The following SLC24A4 variants were observed in gnomAD, a reference collection of about 807,000 sequenced individuals.
The protein encoded by SLC24A4 is solute carrier family 24 member 4, also known as sodium/potassium/calcium exchanger 4.
SLC24A4 carries 53 observed loss-of-function variants against 79.0 expected under a neutral mutation model. The observed-to-expected ratio is 0.67, with a 90% CI of 0.54 to 0.84. The LOEUF (loss-of-function observed/expected upper bound fraction) is 0.84, where lower values mean the gene tolerates loss of function less well. SLC24A4 is among the 40% of genes least tolerant of loss of function. The pLI, the probability that SLC24A4 is intolerant of heterozygous loss-of-function variation, is 0.00. For missense variants in SLC24A4, 731 were observed against 822.0 expected, an observed-to-expected ratio of 0.89 and a Z score of 1.35; for synonymous variants, 323 against 323.8, an observed-to-expected ratio of 1.00 and a Z score of 0.03.
chr14:92,488,959 A>C (rs941583752), intron 14 of SLC24A4, among the ~76,000 whole-genome samples: 9 of 152,198 alleles, frequency 5.9e-5, no homozygotes, highest in African/African-American at 2.2e-4. Context: ...AGTAAGATCA[A>C]CAAAGGGTCT....
intron 2 of SLC24A4, among the ~76,000 whole-genome samples, chr14:92,427,789 T>C (rs541559804): frequency 6.6e-6 from 1 of 152,374 alleles, no homozygotes; most frequent in East Asian, 1.9e-4. Context: ...CATGTTTGTA[T>C]GTCCCCAGCA....
chr14:92,493,640 G>A lies in SLC24A4; in HGVS notation c.*12G>A, dbSNP rs200722482. 3.5e-5 allele frequency: 57 copies of A among 1,613,520 alleles called. No individual in the cohort carries two copies. In the East Asian group the frequency reaches 6.9e-4, roughly 20 times the overall value. On this transcript the variant is annotated 3_prime_UTR_variant, in exon 17 of 17. Coordinates refer to ENST00000532405, the MANE Select transcript of SLC24A4 (RefSeq NM_153646.4). Reference sequence around the variant, plus strand: ...GGGAAGACGATTAGCGCTGAGTCGCGGCCCCTGGGAGCTGATCTGGACACC... The same window carrying A: ...GGGAAGACGATTAGCGCTGAGTCGCAGCCCCTGGGAGCTGATCTGGACACC...
In SLC24A4 at chr14:92,497,710, A is replaced by G. The variant is rs574031779; in HGVS notation, c.*4082A>G. The G allele has an allele frequency of 6.6e-6, 1 of 152,394 alleles. No homozygotes were observed. The highest frequency in any genetic ancestry group is 2.4e-5 in the African/African-American group (1 of 41,572). 9.4% of individuals were successfully genotyped at this position (152,394 alleles called of 1,614,324 possible). ...TCCCCCTGGGATTCAGCAGTTGAGA[A>G]GCAGAGACCTTTCTGCCCTGGGTGA... On this transcript the variant is annotated 3_prime_UTR_variant, in exon 17 of 17. Coordinates refer to ENST00000532405, the MANE Select transcript of SLC24A4 (RefSeq NM_153646.4).
Position 92,375,679 on chromosome 14 carries a change from A to G in SLC24A4, c.241+49701A>G, listed in dbSNP as rs542123747. Among the ~76,000 whole-genome samples, 3 of 152,370 alleles carry G rather than the reference A, an allele frequency of 2.0e-5. 1 individual carries two copies. In the Middle Eastern group the frequency reaches 0.01, roughly 518 times the overall value. ...AACATGGATGAACTTGGAACACATT[A>G]CGCTAAGTGAAAGAAGCCAGAGGAC... On this transcript the variant is annotated intron_variant, in intron 2 of 16. Transcript: ENST00000532405.
intron 2 of SLC24A4, among the ~76,000 whole-genome samples, chr14:92,332,330 T>C (rs1345541366): frequency 6.6e-6 from 1 of 152,182 alleles, no homozygotes; most frequent in Non-Finnish European, 1.5e-5. Context: ...ACAGTTTATG[T>C]AATCAGTAAG....
chr14:92,422,629 G>A (rs1891346026), intron 2 of SLC24A4, among the ~76,000 whole-genome samples: 1 of 152,030 alleles, frequency 6.6e-6, no homozygotes, highest in African/African-American at 2.4e-5. Flanking sequence ...GTATTGCTAT[G>A]TATGTTTCAT....
At position 92,442,183 on chromosome 14, in the gene SLC24A4, C is replaced by T; in HGVS notation, c.478+10C>T. 6.2e-7 allele frequency: 1 copy of T among 1,610,750 alleles called. No individual in the cohort carries two copies. Among genetic ancestry groups the T allele is most frequent in the South Asian group, 1.1e-5 (1 of 90,926 alleles). ...TTTGCGTCTGTTATTGGTAAGAAAT[C>T]CCCTCCAGCCTGAGACACAGGATCT... On this transcript the variant is annotated intron_variant, in intron 5 of 16. Coordinates refer to ENST00000532405, the MANE Select transcript of SLC24A4 (RefSeq NM_153646.4).
chr14:92,357,928 G>C (rs912531831), intron 2 of SLC24A4, among the ~76,000 whole-genome samples: 1 of 152,238 alleles, frequency 6.6e-6, no homozygotes, highest in African/African-American at 2.4e-5. Context: ...GTCTTAGACT[G>C]CCTTTGGTGG....
At chr14:92,337,296 C>G (rs1001197129) in intron 2 of SLC24A4, among the ~76,000 whole-genome samples, 2 of 152,136 alleles carry the variant, frequency 1.3e-5, no homozygotes, top group Admixed American at 1.3e-4. Flanking sequence ...CCATTCTTTC[C>G]CTTCTTGCCT....
At position 92,439,453 on chromosome 14, in the gene SLC24A4, CAT is replaced by C. The variant is rs778706120; in HGVS notation, c.393+45_393+46del. On this transcript the variant is annotated intron_variant, in intron 4 of 16. Transcript: ENST00000532405. ...GGACACCTTGGTGAAGCCTTGAAGA[CAT>C]GTGGGACATAAATGCCAAGCCAAGA... 16 of 1,560,378 alleles carry C rather than the reference CAT, an allele frequency of 1.0e-5. No individual in the cohort carries two copies. The South Asian group carries it at 1.6e-4, about 15-fold the overall frequency.
At chr14:92,424,992 C>A (rs2139767614) in intron 2 of SLC24A4, among the ~76,000 whole-genome samples, 1 of 152,320 alleles carries the variant, frequency 6.6e-6, no homozygotes, top group Middle Eastern at 3.4e-3. Context: ...CCCCATGACC[C>A]AAACACCTCC....
At chr14:92,393,514 T>C (rs2077291) in intron 2 of SLC24A4, among the ~76,000 whole-genome samples, 25,850 of 149,930 alleles carry the variant, frequency 0.17, 3,126 homozygotes, top group African/African-American at 0.33. Flanking sequence ...GAAATGGCCA[T>C]GGTTTCCAGT....
chr14:92,397,943 C>A (rs74871491), intron 2 of SLC24A4, among the ~76,000 whole-genome samples: 9,837 of 152,204 alleles, frequency 0.065, 1,084 homozygotes, highest in African/African-American at 0.22. Flanking sequence ...CATGGGTCCG[C>A]AGGAGCCTAG....
Position 92,498,174 on chromosome 14 carries a change from A to C in SLC24A4, c.*4546A>C, listed in dbSNP as rs1895996781. The C allele has an allele frequency of 6.6e-6, 1 of 152,102 alleles. No individual in the cohort carries two copies. The highest frequency in any genetic ancestry group is 1.5e-5 in the Non-Finnish European group (1 of 68,076). 9.4% of individuals were successfully genotyped at this position (152,102 alleles called of 1,614,324 possible). On this transcript the variant is annotated 3_prime_UTR_variant, in exon 17 of 17. Transcript: ENST00000532405. ...CTGAAGCGCTGCGCTTGCTCTCTTT[A>C]TGTGTGTGCACCCGAAGGATTTCCT...
intron 2 of SLC24A4, among the ~76,000 whole-genome samples, chr14:92,387,535 T>C (rs1482628903): frequency 6.6e-6 from 1 of 152,240 alleles, no homozygotes; most frequent in Non-Finnish European, 1.5e-5. Flanking sequence ...ATACGTCATC[T>C]ACTTTTATTG....
At chr14:92,448,944 A>AC in intron 9 of SLC24A4, 130 bp from the exon 10 acceptor site, 3 of 1,116,718 alleles carry the variant, frequency 2.7e-6, no homozygotes, top group Non-Finnish European at 3.8e-6. Flanking sequence ...CTGAGGCTCC[A>AC]CACCTCCCCT....
At chr14:92,430,266 T>C (rs11848035) in intron 2 of SLC24A4, among the ~76,000 whole-genome samples, 7,026 of 152,312 alleles carry the variant, frequency 0.046, 588 homozygotes, top group African/African-American at 0.16. Context: ...GTCCAGTGGC[T>C]ACCAAGTGGG....
chr14:92,449,280 GTACA>G, intron 10 of SLC24A4, 64 bp downstream of exon 10: 1 of 1,250,010 alleles, frequency 8.0e-7, no homozygotes, highest in South Asian at 1.4e-5. Flanking sequence ...CCTCTTTTGT[GTACA>G]CACACACACA....
At position 92,442,915 on chromosome 14, in the gene SLC24A4, AGGAC is replaced by A. The variant is rs909786300; in HGVS notation, c.582+100_582+103del. 12 of 950,610 alleles carry A rather than the reference AGGAC, an allele frequency of 1.3e-5. No individual in the cohort carries two copies. In the Admixed American group the frequency reaches 2.4e-4, roughly 19 times the overall value. The allele number at this position is 950,610 out of a possible 1,614,324, so 58.9% of individuals were successfully genotyped here. On this transcript the variant is annotated intron_variant, in intron 6 of 16. Transcript: ENST00000532405. ...TTGGGGTAGCAGTGGGGACGCCCAC[AGGAC>A]AGCTGAGCTGGATTCTGGATACATT...
Sources: gnomAD v4.1 joint callset for allele counts (sites outside exome capture counted in the v4.1 genomes callset) on GRCh38, gnomAD v4.1.1 for gene constraint, MANE v1.5 for transcripts, NCBI Gene and HGNC (gene_info 2026-07-23, HGNC 2026-07-21) for gene names.